Variants in EYA2 observed in about 807,000 individuals in gnomAD.
EYA2 encodes protein phosphatase EYA2.
A neutral mutation model predicts 69.2 loss-of-function variants in EYA2; 31 were observed. The observed-to-expected ratio is 0.45, with a 90% CI of 0.34 to 0.60. The LOEUF is 0.60. Ranked by LOEUF, EYA2 falls within the 20% of genes least tolerant of loss-of-function variation. The pLI is 0.02. For synonymous variants in EYA2, 257 were observed against 279.4 expected (o/e 0.92, Z 0.80); for missense variants, 622 against 701.2 (o/e 0.89, Z 1.28).
intron 1 of EYA2, among the ~76,000 whole-genome samples, chr20:46,910,088 T>C (rs941541823): frequency 6.6e-6 from 1 of 152,198 alleles, no homozygotes; most frequent in African/African-American, 2.4e-5. Flanking sequence ...TGTCTGTTCT[T>C]GCACTGCTAT....
chr20:47,068,690 G>A (rs1005402622), intron 5 of EYA2, among the ~76,000 whole-genome samples: 1 of 152,164 alleles, frequency 6.6e-6, no homozygotes, highest in Non-Finnish European at 1.5e-5. Flanking sequence ...GAGATCCTAT[G>A]GTTCTGATGG....
intron 15 of EYA2, among the ~76,000 whole-genome samples, chr20:47,183,677 G>T (rs2034581778): frequency 6.6e-6 from 1 of 152,200 alleles, no homozygotes; most frequent in South Asian, 2.1e-4. Flanking sequence ...GCAGGCTGGT[G>T]GGGGGCCAGT....
At chr20:46,954,660 C>A (rs1439407106) in intron 1 of EYA2, among the ~76,000 whole-genome samples, 1 of 152,188 alleles carries the variant, frequency 6.6e-6, no homozygotes, top group Non-Finnish European at 1.5e-5. Context: ...TCCTTTCAGC[C>A]GAGCAAGTGA....
chr20:46,931,825 G>T (rs908898030), intron 1 of EYA2, among the ~76,000 whole-genome samples: 19 of 152,094 alleles, frequency 1.2e-4, no homozygotes, highest in African/African-American at 4.6e-4. Flanking sequence ...TGAGCGTCCA[G>T]AGGAGAAGCC....
chr20:47,125,310 C>T (rs561154717), intron 9 of EYA2, among the ~76,000 whole-genome samples: 3 of 152,102 alleles, frequency 2.0e-5, no homozygotes, highest in Non-Finnish European at 4.4e-5. Context: ...CCGCCTCGGC[C>T]TCCCAAAGTG....
At chr20:47,044,859 G>A (rs1340509837) in intron 5 of EYA2, among the ~76,000 whole-genome samples, 2 of 152,146 alleles carry the variant, frequency 1.3e-5, no homozygotes, top group Non-Finnish European at 2.9e-5. Flanking sequence ...CTGAGACACT[G>A]CCAAGGAAGC....
intron 1 of EYA2, among the ~76,000 whole-genome samples, chr20:46,934,713 T>C (rs779237365): frequency 1.8e-4 from 27 of 151,460 alleles, no homozygotes; most frequent in Non-Finnish European, 3.2e-4. Context: ...TGGGTGGAAA[T>C]TTATTGGATG....
chr20:46,948,992 G>T (rs555331515), intron 1 of EYA2, among the ~76,000 whole-genome samples: 11 of 152,318 alleles, frequency 7.2e-5, no homozygotes, highest in Non-Finnish European at 1.2e-4. Flanking sequence ...CAGGAGGTGG[G>T]TGCTAATGTT....
At chr20:46,973,112 T>C (rs1213169981) in intron 1 of EYA2, among the ~76,000 whole-genome samples, 1 of 152,182 alleles carries the variant, frequency 6.6e-6, no homozygotes, top group Non-Finnish European at 1.5e-5. Flanking sequence ...GGACTCCTGA[T>C]GAGATGCAAT....
chr20:47,181,650 G>A (rs998866590), intron 14 of EYA2, among the ~76,000 whole-genome samples: 1 of 152,092 alleles, frequency 6.6e-6, no homozygotes, highest in Non-Finnish European at 1.5e-5. Flanking sequence ...TGGGACTACA[G>A]GCATGAGCCA....
At position 47,143,057 on chromosome 20, in the gene EYA2, A is replaced by G; in HGVS notation, c.889-2A>G. On this transcript the variant is annotated splice_acceptor_variant, in intron 9 of 15. Transcript: ENST00000327619. LOFTEE classifies it high-confidence loss of function. ...GTGATTTTCCCCTTCTCTGCCTCGCAGGACACCACGACGTCCGTGCGCATT... is the reference window on the plus strand; with the variant it reads ...GTGATTTTCCCCTTCTCTGCCTCGCGGGACACCACGACGTCCGTGCGCATT... 1 of 1,612,848 alleles carries G rather than the reference A, an allele frequency of 6.2e-7. No individual in the cohort carries two copies.
chr20:47,043,188 G>T (rs11086190), intron 5 of EYA2, among the ~76,000 whole-genome samples: 24,434 of 152,138 alleles, frequency 0.16, 2,095 homozygotes, highest in East Asian at 0.3. Context: ...TTCCTTAAAA[G>T]GGTTTTTCTG....
At chr20:47,168,066 C>T (rs1318447044) in intron 10 of EYA2, among the ~76,000 whole-genome samples, 4 of 152,290 alleles carry the variant, frequency 2.6e-5, no homozygotes, top group East Asian at 1.9e-4. Flanking sequence ...CCAACGTCCC[C>T]GGGCTGGTTC....
Position 46,995,783 on chromosome 20 carries a change from AT to A in EYA2, c.110-5643del, listed in dbSNP as rs1188508723. The stretch of plus-strand genomic sequence containing the variant: ...AGTGAGAGGTGAAAAAAGTGTGAAC[AT>A]TCAAATTGTGCTCATGGATTTAAGT... On this transcript the variant is annotated intron_variant, in intron 2 of 15. Coordinates refer to ENST00000327619, the MANE Select transcript of EYA2 (RefSeq NM_005244.5). Among the ~76,000 whole-genome samples the A allele has an allele frequency of 2.0e-5, 3 of 152,302 alleles. No homozygotes were observed. In the South Asian group the frequency reaches 6.2e-4, roughly 32 times the overall value.
chr20:46,961,312 C>T (rs766670719), intron 1 of EYA2, among the ~76,000 whole-genome samples: 13 of 151,880 alleles, frequency 8.6e-5, no homozygotes, highest in East Asian at 3.9e-4. Context: ...GGCAACAGAG[C>T]GAGACTCTGT....
intron 4 of EYA2, among the ~76,000 whole-genome samples, chr20:47,007,297 G>A (rs1982777669): frequency 6.6e-6 from 1 of 152,204 alleles, no homozygotes; most frequent in African/African-American, 2.4e-5. Flanking sequence ...GCAAAGACTT[G>A]TTTTAGGTTC....
rs200146236 is a variant in EYA2, at chr20:46,994,450, T to C, written c.109+4331T>C. 1.2e-4 allele frequency among the ~76,000 whole-genome samples: 18 copies of C among 152,316 alleles called. No individual in the cohort carries two copies. In the East Asian group the frequency reaches 2.7e-3, roughly 23 times the overall value. ...TTCAGAAACTGATGCTCTAATCTCATTGTTTCCAAGGAGAGGTGAAACCAC... is the reference window on the plus strand; with the variant it reads ...TTCAGAAACTGATGCTCTAATCTCACTGTTTCCAAGGAGAGGTGAAACCAC... On this transcript the variant is annotated intron_variant, in intron 2 of 15. Coordinates refer to ENST00000327619, the MANE Select transcript of EYA2 (RefSeq NM_005244.5).
intron 5 of EYA2, among the ~76,000 whole-genome samples, chr20:47,044,332 G>A (rs574840574): frequency 4.9e-4 from 75 of 152,304 alleles, no homozygotes; most frequent in Middle Eastern, 3.4e-3. Flanking sequence ...AGCATATGTT[G>A]GGTGACACCC....
chr20:47,164,028 T>C (rs74456349), intron 10 of EYA2, among the ~76,000 whole-genome samples: 2,816 of 152,190 alleles, frequency 0.019, 98 homozygotes, highest in African/African-American at 0.064. Flanking sequence ...AAGATACTCA[T>C]ACTTTGACCC....
Sources: gnomAD v4.1 joint callset for allele counts (sites outside exome capture counted in the v4.1 genomes callset) on GRCh38, gnomAD v4.1.1 for gene constraint, MANE v1.5 for transcripts, NCBI Gene and HGNC (gene_info 2026-07-23, HGNC 2026-07-21) for gene names.